The following PRDM11 variants were observed in gnomAD, a reference collection of about 807,000 sequenced individuals.
PRDM11 encodes the protein PR/SET domain 11, also known as PR domain-containing protein 11.
In PRDM11, 20 loss-of-function variants were observed where a neutral mutation model predicts 97.8. The observed-to-expected ratio is 0.20, with a 90% CI of 0.14 to 0.30. The LOEUF (loss-of-function observed/expected upper bound fraction) is 0.30. PRDM11 is among the 10% of genes least tolerant of loss of function. The pLI is 1.00. For synonymous variants in PRDM11, 599 were observed against 637.7 expected (o/e 0.94, Z 0.91); for missense variants, 1,139 against 1,555.2 (o/e 0.73, Z 4.50).
intron 5 of PRDM11, chr11:45,212,783 C>T (rs1307815751): frequency 2.2e-6 from 1 of 456,296 alleles, no homozygotes; most frequent in East Asian, 7.0e-5. Context: ...GACCGTGCAC[C>T]GGGACATGGC....
intron 7 of PRDM11, 73 bp downstream of exon 7, chr11:45,224,916 C>T: frequency 6.3e-7 from 1 of 1,599,568 alleles, no homozygotes; most frequent in South Asian, 1.1e-5. Flanking sequence ...TAGCCTAAAG[C>T]TCTCTGTGGA....
chr11:45,191,664 T>C (rs1852917620), intron 4 of PRDM11, among the ~76,000 whole-genome samples: 1 of 152,148 alleles, frequency 6.6e-6, no homozygotes, highest in African/African-American at 2.4e-5. Context: ...TTCCTTACTT[T>C]CTGGCACAAA....
chr11:45,157,665 G>A (rs1371845975), intron 1 of PRDM11, among the ~76,000 whole-genome samples: 4 of 152,330 alleles, frequency 2.6e-5, no homozygotes, highest in Non-Finnish European at 4.4e-5. Flanking sequence ...CCCCTGAGTC[G>A]GTCCTGGCTG....
rs767802218 is a variant in PRDM11 at position 45,101,567 on chromosome 11, A to AAAAAAAAAAGAAGAAGAAG, written c.96+5668_96+5669insAAAAAAAGAAGAAGAAGAA. Among the ~76,000 whole-genome samples the AAAAAAAAAAGAAGAAGAAG allele has an allele frequency of 2.9e-3, 284 of 96,828 alleles. 11 individuals are homozygous for AAAAAAAAAAGAAGAAGAAG. The highest frequency in any genetic ancestry group is 3.9e-3 in the Non-Finnish European group (182 of 46,894). 63.5% of individuals were successfully genotyped at this position (96,828 alleles called of 152,430 possible). On this transcript the variant is annotated intron_variant, in intron 1 of 6. Transcript: ENST00000530656. ...CAACACTCTGTCTCAAAAAAAAAAAAAAGAAGAAGAAGAAGAAGAAGAAGA... is the reference window on the plus strand; with the variant it reads ...CAACACTCTGTCTCAAAAAAAAAAAAAAAAAAAAAGAAGAAGAAGAAGAAGAAGAAGAAGAAGAAGAAGA...
rs1045219041 is a variant in PRDM11, at chr11:45,219,082, T to C, written c.555-488T>C. Among the ~76,000 whole-genome samples the C allele has an allele frequency of 1.3e-5, 2 of 152,198 alleles. No individual in the cohort carries two copies. Among genetic ancestry groups the C allele is most frequent in the African/African-American group, 2.4e-5 (1 of 41,450 alleles). ...ATTTTGATCTTTAGCATTTATTAAT[T>C]GATCTCTTGGACACCTTGTCACAGG... is the stretch of plus-strand genomic sequence containing the variant. On this transcript the variant is annotated intron_variant, in intron 5 of 7. Coordinates refer to ENST00000683152, the MANE Select transcript of PRDM11 (RefSeq NM_001384648.1). The surrounding 1 kb of genome is among the most constrained non-coding windows in gnomAD (Gnocchi z 4.2).
intron 1 of PRDM11, among the ~76,000 whole-genome samples, chr11:45,123,540 T>C (rs1420904282): frequency 6.6e-6 from 1 of 152,174 alleles, no homozygotes; most frequent in Non-Finnish European, 1.5e-5. Context: ...AAGAAAGGGA[T>C]CCAGTTTCAG....
At chr11:45,211,004 G>A (rs935511967) in intron 5 of PRDM11, among the ~76,000 whole-genome samples, 2 of 152,176 alleles carry the variant, frequency 1.3e-5, no homozygotes, top group African/African-American at 2.4e-5. Flanking sequence ...CAGGGAGCCC[G>A]AGTGTGCCAT....
intron 1 of PRDM11, among the ~76,000 whole-genome samples, chr11:45,113,345 G>C (rs1314437230): frequency 6.6e-6 from 1 of 152,152 alleles, no homozygotes; most frequent in African/African-American, 2.4e-5. Flanking sequence ...CACTGTTTTG[G>C]TAACTATAGC....
rs536174224 is a variant in PRDM11, at chr11:45,214,727, T to G, written c.555-4843T>G. On this transcript the variant is annotated intron_variant, in intron 5 of 7. Coordinates refer to ENST00000683152, the MANE Select transcript of PRDM11 (RefSeq NM_001384648.1). Reference sequence around the variant, plus strand: ...TAAGATGGCAATAAAAAGAAATCAATCTCACTCTTTGAACACACCCAGTGT... The same window carrying G: ...TAAGATGGCAATAAAAAGAAATCAAGCTCACTCTTTGAACACACCCAGTGT... 13 of 152,320 alleles carry G rather than the reference T, an allele frequency of 8.5e-5. No individual in the cohort carries two copies. The South Asian group carries it at 2.7e-3, about 32-fold the overall frequency. 9.4% of individuals were successfully genotyped at this position (152,320 alleles called of 1,614,324 possible).
At chr11:45,106,469 A>G (rs1852063663) in intron 1 of PRDM11, among the ~76,000 whole-genome samples, 1 of 152,078 alleles carries the variant, frequency 6.6e-6, no homozygotes, top group Non-Finnish European at 1.5e-5. Context: ...CTGCTATGCT[A>G]CAAACCACCC....
chr11:45,191,809 A>T (rs1278241874), intron 4 of PRDM11, among the ~76,000 whole-genome samples: 1 of 149,904 alleles, frequency 6.7e-6, no homozygotes, highest in Non-Finnish European at 1.5e-5. Context: ...ACTAGGTTTT[A>T]TTATTATTAT....
chr11:45,173,941 T>C (rs1852266139), intron 1 of PRDM11, among the ~76,000 whole-genome samples: 1 of 152,242 alleles, frequency 6.6e-6, no homozygotes, highest in African/African-American at 2.4e-5. Flanking sequence ...AAAAGCTGGC[T>C]GAGTATATTT....
At chr11:45,225,523 G>A (rs1854253180) in intron 7 of PRDM11, among the ~76,000 whole-genome samples, 2 of 152,190 alleles carry the variant, frequency 1.3e-5, no homozygotes, top group African/African-American at 4.8e-5. Flanking sequence ...TTCAAAGCAT[G>A]CGTCTGAACT....
At position 45,232,140 on chromosome 11, in the gene PRDM11, G is replaced by A. The variant is rs572387879; in HGVS notation, c.*3981G>A. ...TAATTACTTAAGGTAATGTTTAAAT[G>A]TTTTCCATTCATTTGGAGGTGGTGC... is the stretch of plus-strand genomic sequence containing the variant. On this transcript the variant is annotated 3_prime_UTR_variant, in exon 8 of 8. Coordinates refer to ENST00000683152, the MANE Select transcript of PRDM11 (RefSeq NM_001384648.1). 1 of 152,256 alleles carries A rather than the reference G, an allele frequency of 6.6e-6. No homozygotes were observed. The highest frequency in any genetic ancestry group is 1.9e-4 in the East Asian group (1 of 5,186). 9.4% of individuals were successfully genotyped at this position (152,256 alleles called of 1,614,324 possible).
In PRDM11 at chr11:45,226,456, C is replaced by T; in HGVS notation, c.1831C>T (p.Pro611Ser). ...GGGCAGGCCCTACCTGGACTTCCGGCCCCTGGCGGAGCTGCTGAGGAAGTG... is the reference window on the plus strand; with the variant it reads ...GGGCAGGCCCTACCTGGACTTCCGGTCCCTGGCGGAGCTGCTGAGGAAGTG... Reference protein sequence around the residue: ...LEGRPYLDFRPLAELLRKCEL... With the variant: ...LEGRPYLDFRSLAELLRKCEL... Residue 611 changes from proline (P) to serine (S), a missense_variant, in exon 8 of 8, where the codon CCC (proline) becomes TCC (serine). Physicochemically the swap from Pro to Ser is moderately conservative, Grantham distance 74. This residue lies in a region of PRDM11 where 710 missense variants were observed against 1,044.9 expected (regional missense o/e 0.68). Transcript: ENST00000683152. The T allele has an allele frequency of 6.5e-7, 1 of 1,533,994 alleles. No homozygotes were observed. The highest frequency in any genetic ancestry group is 8.7e-7 in the Non-Finnish European group (1 of 1,146,734).
At chr11:45,148,379 T>C (rs1248755017) in intron 1 of PRDM11, among the ~76,000 whole-genome samples, 1 of 152,160 alleles carries the variant, frequency 6.6e-6, no homozygotes, top group Non-Finnish European at 1.5e-5. Context: ...ATAGCAAAGA[T>C]GAAATGCCTG....
chr11:45,115,858 T>C (rs1590347716), intron 1 of PRDM11, among the ~76,000 whole-genome samples: 2 of 146,938 alleles, frequency 1.4e-5, no homozygotes, highest in Non-Finnish European at 3.0e-5. Context: ...TGAACCTGGG[T>C]GGTGGAGTTT....
At chr11:45,122,851 A>T (rs193220919) in intron 1 of PRDM11, among the ~76,000 whole-genome samples, 5,921 of 152,192 alleles carry the variant, frequency 0.039, 404 homozygotes, top group African/African-American at 0.14. Context: ...CTTTGGGTAC[A>T]TACCCAGTAA....
intron 1 of PRDM11, among the ~76,000 whole-genome samples, chr11:45,121,793 T>A (rs1366568960): frequency 6.6e-6 from 1 of 152,040 alleles, no homozygotes; most frequent in Non-Finnish European, 1.5e-5. Context: ...AAAAGGCAAC[T>A]AGAAAATCTC....
Sources: allele counts gnomAD v4.1 joint callset (sites outside exome capture counted in the v4.1 genomes callset), GRCh38; gene constraint gnomAD v4.1.1; regional missense constraint gnomAD v4.1.1; non-coding constraint Gnocchi (gnomAD v3.1); transcripts MANE v1.5; gene names NCBI Gene and HGNC (gene_info 2026-07-23, HGNC 2026-07-21).